Variants in GNAO1 observed in about 807,000 individuals in gnomAD.
GNAO1 encodes guanine nucleotide-binding protein G(o) subunit alpha.
For missense variants in GNAO1, 166 were observed against 478.7 expected (o/e 0.35, Z 6.10); for synonymous variants, 164 against 180.7 (o/e 0.91, Z 0.74).
intron 2 of GNAO1, among the ~76,000 whole-genome samples, chr16:56,261,629 G>A (rs945258982): frequency 2.6e-5 from 4 of 152,156 alleles, no homozygotes; most frequent in Admixed American, 6.5e-5. Flanking sequence ...AGGTGGAGTC[G>A]GGGGAGGAGT....
chr16:56,265,948 T>TA (rs2036948527), intron 2 of GNAO1, among the ~76,000 whole-genome samples: 1 of 152,118 alleles, frequency 6.6e-6, no homozygotes, highest in South Asian at 2.1e-4. Flanking sequence ...ATTAGAACAC[T>TA]AAAGGTGCCC....
At chr16:56,216,707 A>G (rs531729830) in intron 2 of GNAO1, among the ~76,000 whole-genome samples, 83 of 152,294 alleles carry the variant, frequency 5.4e-4, no homozygotes, top group African/African-American at 1.9e-3. Context: ...AACAAAGTGC[A>G]CCTCCAAGCC....
In GNAO1 at chr16:56,351,303, C is replaced by T; in HGVS notation, c.724-81C>T. On this transcript the variant is annotated intron_variant, in intron 6 of 8. Transcript: ENST00000262493. The surrounding 1 kb of genome is among the most constrained non-coding windows in gnomAD (Gnocchi z 6.1). ...AGTAGCCCAGTCCCTCTCTGTCAAG[C>T]CTAATTCTCTCCTTCTCTTTCCCTG... 2.0e-6 allele frequency: 2 copies of T among 1,015,660 alleles called. No homozygotes were observed. The highest frequency in any genetic ancestry group is 3.0e-6 in the Non-Finnish European group (2 of 669,088). 62.9% of individuals were successfully genotyped at this position (1,015,660 alleles called of 1,614,324 possible).
At chr16:56,221,835 A>AT (rs147314736) in intron 2 of GNAO1, among the ~76,000 whole-genome samples, 2 of 152,192 alleles carry the variant, frequency 1.3e-5, no homozygotes, top group East Asian at 3.9e-4. Context: ...AGTTGTACAC[A>AT]TGTCAATGTC....
At chr16:56,304,945 G>T (rs1376067758) in intron 3 of GNAO1, among the ~76,000 whole-genome samples, 1 of 152,260 alleles carries the variant, frequency 6.6e-6, no homozygotes, top group African/African-American at 2.4e-5. Flanking sequence ...TTCTCCAGTT[G>T]CTCTGGAAGC....
chr16:56,252,570 A>G (rs2036809250), intron 2 of GNAO1, among the ~76,000 whole-genome samples: 1 of 152,168 alleles, frequency 6.6e-6, no homozygotes. Context: ...GAATCTTCTA[A>G]TAGTACCTTT....
chr16:56,249,672 C>T (rs1390680945), intron 2 of GNAO1, among the ~76,000 whole-genome samples: 2 of 152,202 alleles, frequency 1.3e-5, no homozygotes, highest in East Asian at 3.9e-4. Flanking sequence ...AGCAGGCCCA[C>T]GGTTGCCCAA....
intron 3 of GNAO1, among the ~76,000 whole-genome samples, chr16:56,293,580 C>T (rs2037254368): frequency 6.6e-6 from 1 of 152,158 alleles, no homozygotes; most frequent in Non-Finnish European, 1.5e-5. Flanking sequence ...GGCACACATA[C>T]TTTGGTGGAA....
At chr16:56,338,382 G>A (rs1567490164) in intron 6 of GNAO1, among the ~76,000 whole-genome samples, 2 of 152,198 alleles carry the variant, frequency 1.3e-5, no homozygotes, top group South Asian at 2.1e-4. Context: ...TTCCTGGGCC[G>A]TGCTTGGACC....
intron 3 of GNAO1, among the ~76,000 whole-genome samples, chr16:56,328,270 G>C (rs1343561720): frequency 1.3e-5 from 2 of 152,192 alleles, no homozygotes; most frequent in Non-Finnish European, 2.9e-5. Flanking sequence ...TGCTGGTTGA[G>C]TTGGAGGGTG....
chr16:56,289,251 C>A (rs1201532828), intron 3 of GNAO1, among the ~76,000 whole-genome samples: 1 of 152,180 alleles, frequency 6.6e-6, no homozygotes, highest in Non-Finnish European at 1.5e-5. Flanking sequence ...CACTGGGGGG[C>A]AGATCAGCCT....
intron 2 of GNAO1, among the ~76,000 whole-genome samples, chr16:56,208,859 T>A (rs1232799241): frequency 6.6e-6 from 1 of 152,218 alleles, no homozygotes; most frequent in African/African-American, 2.4e-5. Context: ...CTTTATGTGT[T>A]GTAAATACTA....
intron 2 of GNAO1, chr16:56,213,387 G>T (rs2036408363): frequency 2.5e-6 from 1 of 398,390 alleles, no homozygotes; most frequent in African/African-American, 2.1e-5. Flanking sequence ...GGGGAGACAG[G>T]CAATAAATAA....
At position 56,337,933 on chromosome 16, in the gene GNAO1, A is replaced by G. The variant is rs567963746; in HGVS notation, c.723+1073A>G. On this transcript the variant is annotated intron_variant, in intron 6 of 8. Transcript: ENST00000262493. ...TGTCATCTCCTTCTGTCTGGAACAC[A>G]TGCAAATCCCCCACCCCACGCCTCT... 1.7e-4 allele frequency among the ~76,000 whole-genome samples: 26 copies of G among 152,258 alleles called. No individual in the cohort carries two copies. The South Asian group carries it at 4.2e-3, about 24-fold the overall frequency.
chr16:56,275,050 C>T (rs1387434750), intron 2 of GNAO1, among the ~76,000 whole-genome samples: 14 of 152,344 alleles, frequency 9.2e-5, no homozygotes, highest in East Asian at 5.8e-4. Context: ...TATATTGGTG[C>T]GTGAACGTGT....
chr16:56,346,313 C>T (rs1159120149), intron 6 of GNAO1: 2 of 985,284 alleles, frequency 2.0e-6, no homozygotes, highest in Non-Finnish European at 2.4e-6. Context: ...AGGAATGTTG[C>T]GAGTGACACG....
intron 2 of GNAO1, among the ~76,000 whole-genome samples, chr16:56,209,065 A>G (rs764348801): frequency 6.6e-6 from 1 of 152,076 alleles, no homozygotes; most frequent in Non-Finnish European, 1.5e-5. Flanking sequence ...GTCTTTCCTT[A>G]TCTTGAAGCT....
intron 2 of GNAO1, 137 bp from the exon 3 acceptor site, chr16:56,275,794 C>T (rs2037056178): frequency 1.7e-6 from 1 of 574,622 alleles, no homozygotes; most frequent in East Asian, 3.3e-5. Flanking sequence ...GATTTTATGA[C>T]ATTAATGTAG....
rs35244461 is a variant in GNAO1, at chr16:56,208,419, ATGTGTG to A, written c.161+15828_161+15833del. ...GCAGTTATAAAAGATGCTGCTATCA[ATGTGTG>A]TGTGTGTGTGTGTGTGTGTGTGTGC... On this transcript the variant is annotated intron_variant, in intron 2 of 8. Transcript: ENST00000262493. Among the ~76,000 whole-genome samples the A allele has an allele frequency of 1.2e-3, 183 of 148,936 alleles. 1 individual carries two copies. The highest frequency in any genetic ancestry group is 3.4e-3 in the African/African-American group (136 of 40,462).
Sources: gnomAD v4.1 joint callset for allele counts (sites outside exome capture counted in the v4.1 genomes callset) on GRCh38, gnomAD v4.1.1 for gene constraint, Gnocchi (gnomAD v3.1) non-coding constraint, MANE v1.5 for transcripts, NCBI Gene and HGNC (gene_info 2026-07-23, HGNC 2026-07-21) for gene names.